CNTNAP2: variants seen among roughly 807,000 people sequenced by gnomAD.
The protein encoded by CNTNAP2 is contactin associated protein 2, also known as contactin-associated protein-like 2.
CNTNAP2 carries 98 observed loss-of-function variants against 155.2 expected under a neutral mutation model. The ratio of observed to expected loss-of-function variants is 0.63; its 90% CI spans 0.54 to 0.75. The LOEUF (loss-of-function observed/expected upper bound fraction) is 0.75. CNTNAP2 is among the 30% of genes least tolerant of loss of function. The probability of loss-of-function intolerance (pLI) is 0.00; values close to 1 mark genes in which losing one functional copy is unlikely to be tolerated. For missense variants in CNTNAP2, 1,727 were observed against 1,688.1 expected (o/e 1.02, Z -0.40); for synonymous variants, 651 against 631.2 (o/e 1.03, Z -0.47).
chr7:148,328,869 A>C (rs4725775), intron 21 of CNTNAP2, among the ~76,000 whole-genome samples: 1 of 150,922 alleles, frequency 6.6e-6, no homozygotes, highest in Non-Finnish European at 1.5e-5. Flanking sequence ...CCAGCTACTC[A>C]GGAGGTTGAG....
At chr7:147,929,092 C>CA (rs66584239) in intron 14 of CNTNAP2, among the ~76,000 whole-genome samples, 5,163 of 34,286 alleles carry the variant, frequency 0.15, 652 homozygotes, top group African/African-American at 0.19. Flanking sequence ...AACTCCATCC[C>CA]AAAAAAAAAA....
intron 22 of CNTNAP2, among the ~76,000 whole-genome samples, chr7:148,404,072 A>C (rs1799647007): frequency 6.6e-6 from 1 of 152,254 alleles, no homozygotes; most frequent in Non-Finnish European, 1.5e-5. Flanking sequence ...GAGACTAGGC[A>C]TCTGACTTTC....
At chr7:146,591,706 A>G (rs750598500) in intron 1 of CNTNAP2, among the ~76,000 whole-genome samples, 1 of 152,078 alleles carries the variant, frequency 6.6e-6, no homozygotes, top group South Asian at 2.1e-4. Context: ...GTGTTCCCCA[A>G]GTTATGCTTT....
chr7:146,197,540 T>G (rs1798794791), intron 1 of CNTNAP2, among the ~76,000 whole-genome samples: 1 of 152,186 alleles, frequency 6.6e-6, no homozygotes, highest in Non-Finnish European at 1.5e-5. Context: ...TATTTTAAAA[T>G]GTACTCAAAG....
At chr7:147,141,206 T>C (rs1266975918) in intron 8 of CNTNAP2, among the ~76,000 whole-genome samples, 1 of 152,150 alleles carries the variant, frequency 6.6e-6, no homozygotes, top group Non-Finnish European at 1.5e-5. Flanking sequence ...TTTTATCTTT[T>C]CCTGACACAT....
At chr7:146,780,244 G>C (rs1211898772) in intron 2 of CNTNAP2, among the ~76,000 whole-genome samples, 1 of 151,782 alleles carries the variant, frequency 6.6e-6, no homozygotes, top group African/African-American at 2.4e-5. Flanking sequence ...GGAGTGCAGT[G>C]GTGCGATCTC....
chr7:147,713,697 A>C (rs914765923), intron 13 of CNTNAP2, among the ~76,000 whole-genome samples: 1 of 152,096 alleles, frequency 6.6e-6, no homozygotes, highest in African/African-American at 2.4e-5. Context: ...TGAATGTTTA[A>C]ATTGATGAGA....
At chr7:147,653,542 A>G (rs769504442) in intron 13 of CNTNAP2, among the ~76,000 whole-genome samples, 24 of 152,290 alleles carry the variant, frequency 1.6e-4, no homozygotes, top group Middle Eastern at 6.8e-3. Context: ...ACAAACAAAA[A>G]TATGAAATCA....
At chr7:146,172,307 A>C (rs1405690572) in intron 1 of CNTNAP2, among the ~76,000 whole-genome samples, 3 of 152,036 alleles carry the variant, frequency 2.0e-5, no homozygotes, top group African/African-American at 7.2e-5. Flanking sequence ...TGCTACTGAC[A>C]TCTAGTGGGT....
Position 146,150,137 on chromosome 7 carries a change from C to G in CNTNAP2, c.97+33164C>G, listed in dbSNP as rs184775368. 4.2e-3 allele frequency among the ~76,000 whole-genome samples: 644 copies of G among 152,124 alleles called. 3 individuals are homozygous for G. Among genetic ancestry groups the G allele is most frequent in the African/African-American group, 0.015 (608 of 41,520 alleles). On this transcript the variant is annotated intron_variant, in intron 1 of 23. Coordinates refer to ENST00000361727, the MANE Select transcript of CNTNAP2 (RefSeq NM_014141.6). ...TTGCACTGTTTACAAAGATAAATGT[C>G]TGATAAGCACAAAACATTTAATGTA...
At position 146,663,610 on chromosome 7, in the gene CNTNAP2, G is replaced by A. The variant is rs555575462; in HGVS notation, c.98-110661G>A. On this transcript the variant is annotated intron_variant, in intron 1 of 23. Transcript: ENST00000361727. ...CACATATTTTGTATATATTTTCTTC[G>A]CTTTAATTTTTGTTTGTATTTTAAA... Among the ~76,000 whole-genome samples, 5 of 151,408 alleles carry A rather than the reference G, an allele frequency of 3.3e-5. No homozygotes were observed. In the South Asian group the frequency reaches 8.4e-4, roughly 25 times the overall value.
intron 1 of CNTNAP2, among the ~76,000 whole-genome samples, chr7:146,222,729 C>T (rs1235398257): frequency 6.7e-6 from 1 of 149,722 alleles, no homozygotes; most frequent in Non-Finnish European, 1.5e-5. Flanking sequence ...GATCTCAGCT[C>T]AATGCAAGCT....
chr7:147,380,071 C>A (rs1796509854), intron 9 of CNTNAP2, among the ~76,000 whole-genome samples: 1 of 151,920 alleles, frequency 6.6e-6, no homozygotes, highest in Non-Finnish European at 1.5e-5. Context: ...GAAATGTAAT[C>A]CTTAGAGATT....
intron 21 of CNTNAP2, among the ~76,000 whole-genome samples, chr7:148,295,727 G>C (rs534647799): frequency 8.6e-5 from 13 of 151,902 alleles, no homozygotes; most frequent in African/African-American, 3.1e-4. Context: ...TCCTGACCTC[G>C]TGATCCATCC....
intron 1 of CNTNAP2, among the ~76,000 whole-genome samples, chr7:146,687,894 T>C (rs577288485): frequency 1.3e-5 from 2 of 152,270 alleles, no homozygotes; most frequent in African/African-American, 4.8e-5. Context: ...GCACAGGCTG[T>C]GTATGTGCAT....
chr7:148,041,082 G>C (rs902938586), intron 15 of CNTNAP2, among the ~76,000 whole-genome samples: 3 of 152,186 alleles, frequency 2.0e-5, no homozygotes, highest in African/African-American at 7.2e-5. Context: ...TGACTCTGCA[G>C]GCCTGCTGGC....
At chr7:148,107,212 AACAAGCCCGTTTTACC>A (rs1435053479) in intron 15 of CNTNAP2, among the ~76,000 whole-genome samples, 1 of 152,196 alleles carries the variant, frequency 6.6e-6, no homozygotes, top group Non-Finnish European at 1.5e-5. Flanking sequence ...CATGACTAGG[AACAAGCCCGTTTTACC>A]ACAAGCCCCA....
intron 3 of CNTNAP2, among the ~76,000 whole-genome samples, chr7:147,032,890 T>G (rs1213210328): frequency 2.6e-5 from 4 of 151,654 alleles, no homozygotes; most frequent in African/African-American, 9.7e-5. Flanking sequence ...TGAGAACAAA[T>G]GATCACAAAG....
intron 15 of CNTNAP2, among the ~76,000 whole-genome samples, chr7:148,076,166 C>G (rs760066937): frequency 2.0e-5 from 3 of 152,120 alleles, no homozygotes; most frequent in Non-Finnish European, 2.9e-5. Flanking sequence ...AGTTCAGATT[C>G]AAGGGTGGCA....
Sources: allele counts gnomAD v4.1 joint callset (sites outside exome capture counted in the v4.1 genomes callset), GRCh38; gene constraint gnomAD v4.1.1; transcripts MANE v1.5; gene names NCBI Gene and HGNC (gene_info 2026-07-23, HGNC 2026-07-21).